Variants in INPP5B observed in about 807,000 individuals in gnomAD.
INPP5B encodes inositol polyphosphate-5-phosphatase B.
A neutral mutation model predicts 118.5 loss-of-function variants in INPP5B; 90 were observed. That is an observed-to-expected ratio of 0.76 (90% confidence interval 0.64 to 0.90). The LOEUF (loss-of-function observed/expected upper bound fraction) is 0.90, where lower values mean the gene tolerates loss of function less well. Among genes scored for constraint, INPP5B ranks in the 40% least tolerant of loss-of-function variants. The pLI, the probability that INPP5B is intolerant of heterozygous loss-of-function variation, is 0.00. For missense variants in INPP5B, 984 were observed against 1,125.6 expected (o/e 0.87, Z 1.80); for synonymous variants, 385 against 418.9 (o/e 0.92, Z 0.99).
chr1:37,900,678 G>A (rs1333696780), intron 7 of INPP5B, among the ~76,000 whole-genome samples: 18 of 147,344 alleles, frequency 1.2e-4, no homozygotes, highest in Non-Finnish European at 1.3e-4. Context: ...ACCCAGGCCA[G>A]AGTACAGTGG....
chr1:37,873,580 T>C (rs1436702863), intron 18 of INPP5B, among the ~76,000 whole-genome samples: 1 of 152,098 alleles, frequency 6.6e-6, no homozygotes, highest in Non-Finnish European at 1.5e-5. Flanking sequence ...CATCACAGAG[T>C]ACCATGCAGA....
intron 7 of INPP5B, among the ~76,000 whole-genome samples, chr1:37,892,396 T>G (rs1359976322): frequency 6.6e-6 from 1 of 152,182 alleles, no homozygotes; most frequent in Admixed American, 6.5e-5. Context: ...AGAAATATTT[T>G]GGGAAAGTCG....
At chr1:37,922,424 GA>G (rs1338073326) in intron 7 of INPP5B, among the ~76,000 whole-genome samples, 1 of 151,388 alleles carries the variant, frequency 6.6e-6, no homozygotes, top group East Asian at 1.9e-4. Flanking sequence ...TTCAAAAAAT[GA>G]AATAAGCCAG....
intron 6 of INPP5B, among the ~76,000 whole-genome samples, chr1:37,935,701 T>A (rs985673789): frequency 6.6e-6 from 1 of 152,228 alleles, no homozygotes; most frequent in African/African-American, 2.4e-5. Flanking sequence ...TCTAGTTCTC[T>A]TTTTCTATAC....
intron 7 of INPP5B, among the ~76,000 whole-genome samples, chr1:37,926,523 C>A (rs1645236399): frequency 6.6e-6 from 1 of 152,138 alleles, no homozygotes; most frequent in Non-Finnish European, 1.5e-5. Flanking sequence ...ACCTTGTGAT[C>A]CGCCCACCTC....
At position 37,886,955 on chromosome 1, in the gene INPP5B, T is replaced by C. The variant is rs1257618524; in HGVS notation, c.1064A>G (p.Gln355Arg). ...VGIMLLLYVK[Q>R]EHAAYISEVE... Reference sequence around the variant, plus strand: ...TTCTGAGATATAAGCTGCATGCTCCTGTTTGACATATAACAGCAGCATAAT... The same window carrying C: ...TTCTGAGATATAAGCTGCATGCTCCCGTTTGACATATAACAGCAGCATAAT... Residue 355 changes from glutamine to arginine, a missense_variant, in exon 12 of 24, where the codon CAG (glutamine) becomes CGG (arginine). Around this residue, in one of 2 missense-constraint regions of INPP5B, gnomAD observed 634 missense variants for 791.0 expected, o/e 0.80. Coordinates refer to ENST00000373024, the MANE Select transcript of INPP5B (RefSeq NM_005540.3). The C allele has an allele frequency of 6.2e-7, 1 of 1,614,108 alleles. No homozygotes were observed. The highest frequency in any genetic ancestry group is 8.5e-7 in the Non-Finnish European group (1 of 1,180,048).
chr1:37,931,896 C>A lies in INPP5B; in HGVS notation c.532+17G>T. 2 of 1,613,962 alleles carry A rather than the reference C, an allele frequency of 1.2e-6. No individual in the cohort carries two copies. Among genetic ancestry groups the A allele is most frequent in the Non-Finnish European group, 1.7e-6 (2 of 1,180,042 alleles). On this transcript the variant is annotated intron_variant, in intron 7 of 23. Coordinates refer to ENST00000373024, the MANE Select transcript of INPP5B (RefSeq NM_005540.3). ...CCTCCTCCAATCCCCACCGTTTCTTCCGGGACGGATACCTGCCTCCGCCAA... is the reference window on the plus strand; with the variant it reads ...CCTCCTCCAATCCCCACCGTTTCTTACGGGACGGATACCTGCCTCCGCCAA...
intron 7 of INPP5B, among the ~76,000 whole-genome samples, chr1:37,894,978 C>T (rs1465309214): frequency 1.3e-5 from 2 of 152,160 alleles, no homozygotes; most frequent in African/African-American, 4.8e-5. Flanking sequence ...TGGGTTATGT[C>T]TAGAGTTCTA....
chr1:37,947,008 A>G lies in INPP5B; in HGVS notation c.-45T>C. ...CACCTACCTCCTGAGCTGTCACCAC[A>G]GGGCGCACGGGACTCCGCTGCCCCA... On this transcript the variant is annotated 5_prime_UTR_variant, in exon 1 of 24. Coordinates refer to ENST00000373024, the MANE Select transcript of INPP5B (RefSeq NM_005540.3). 6.6e-6 allele frequency: 1 copy of G among 152,360 alleles called. No individual in the cohort carries two copies. Among genetic ancestry groups the G allele is most frequent in the Non-Finnish European group, 1.5e-5 (1 of 68,126 alleles). The allele number at this position is 152,360 out of a possible 1,614,324, so 9.4% of individuals were successfully genotyped here.
chr1:37,890,261 G>A (rs1643763295), intron 8 of INPP5B, among the ~76,000 whole-genome samples: 1 of 151,964 alleles, frequency 6.6e-6, no homozygotes, highest in African/African-American at 2.4e-5. Flanking sequence ...TATAATCCCA[G>A]CTCCTCGGGA....
At chr1:37,876,603 T>TAATCCCAG (rs986994886) in intron 16 of INPP5B, among the ~76,000 whole-genome samples, 10 of 118,156 alleles carry the variant, frequency 8.5e-5, no homozygotes, top group Non-Finnish European at 1.7e-4. Context: ...CTCACGCCAG[T>TAATCCCAG]AATCCCAGCA....
chr1:37,929,661 T>A (rs1250646085), intron 7 of INPP5B: 2 of 152,172 alleles, frequency 1.3e-5, no homozygotes, highest in Non-Finnish European at 2.9e-5. Flanking sequence ...TTGATACCAT[T>A]TCTTACCAAT....
rs1460205927 is a variant in INPP5B, at chr1:37,865,882, C to T, written c.2393G>A (p.Ser798Asn). 1 of 1,612,946 alleles carries T rather than the reference C, an allele frequency of 6.2e-7. No individual in the cohort carries two copies. ...DTGMIDNLSA[S>N]NHSVAEALLL... ...CAGGGCTTCGGCTACAGAATGATTGCTGGCAGCTTTTGGCCCCATTGTTAA... is the reference window on the plus strand; with the variant it reads ...CAGGGCTTCGGCTACAGAATGATTGTTGGCAGCTTTTGGCCCCATTGTTAA... The change falls in exon 22 of 24, where the codon AGC (serine) becomes AAC (asparagine). Residue 798 changes from serine to asparagine, a missense_variant. By Grantham distance (46) the Ser-to-Asn change is conservative. This residue lies in a region of INPP5B where 634 missense variants were observed against 791.0 expected (regional missense o/e 0.80). Transcript: ENST00000373024.
intron 3 of INPP5B, 80 bp downstream of exon 3, chr1:37,945,676 G>T: frequency 1.1e-6 from 1 of 935,976 alleles, no homozygotes; most frequent in Non-Finnish European, 1.7e-6. Context: ...GCCCTGGAGG[G>T]ACAGTTGAAG....
intron 7 of INPP5B, among the ~76,000 whole-genome samples, chr1:37,922,415 T>A (rs1315033834): frequency 5.3e-5 from 8 of 150,778 alleles, no homozygotes; most frequent in Non-Finnish European, 1.0e-4. Context: ...GGGCTCCGTT[T>A]CAAAAAATGA....
intron 7 of INPP5B, among the ~76,000 whole-genome samples, chr1:37,917,558 A>C (rs937445276): frequency 9.2e-5 from 14 of 151,686 alleles, no homozygotes; most frequent in African/African-American, 3.4e-4. Context: ...TCCTGACCTC[A>C]AGCAATCAGC....
intron 7 of INPP5B, among the ~76,000 whole-genome samples, chr1:37,893,085 C>CTTTTTTTTT (rs71053999): frequency 1.7e-4 from 14 of 81,420 alleles, no homozygotes; most frequent in African/African-American, 6.6e-4. Context: ...TTTTCTTTTT[C>CTTTTTTTTT]TTTTTTTTTT....
rs898624379 is a variant in INPP5B, at chr1:37,914,909, TC to T, written c.532+17003del. 1.7e-4 allele frequency among the ~76,000 whole-genome samples: 26 copies of T among 152,060 alleles called. 1 individual carries two copies. The highest frequency in any genetic ancestry group is 2.0e-4 in the Admixed American group (3 of 15,258). On this transcript the variant is annotated intron_variant, in intron 7 of 23. Transcript: ENST00000373024. ...CAGTAAACACACCCTAAACAAACAG[TC>T]CCCAGGCAGATTAAGCTCAGTGTGA...
chr1:37,932,109 C>T, intron 6 of INPP5B, 56 bp from the exon 7 acceptor site: 1 of 1,486,552 alleles, frequency 6.7e-7, no homozygotes, highest in East Asian at 2.4e-5. Flanking sequence ...GCCGGCTCTG[C>T]ATGATTGTAT....
Sources: allele counts gnomAD v4.1 joint callset (sites outside exome capture counted in the v4.1 genomes callset), GRCh38; gene constraint gnomAD v4.1.1; regional missense constraint gnomAD v4.1.1; transcripts MANE v1.5; gene names NCBI Gene and HGNC (gene_info 2026-07-23, HGNC 2026-07-21).